PHACTR1: variants seen among roughly 807,000 people sequenced by gnomAD.
The protein encoded by PHACTR1 is RPEL repeat containing 1.
In PHACTR1, 16 loss-of-function variants were observed where a neutral mutation model predicts 69.2. The ratio of observed to expected loss-of-function variants is 0.23; its 90% CI spans 0.16 to 0.35. The LOEUF (loss-of-function observed/expected upper bound fraction) is 0.35, where lower values mean the gene tolerates loss of function less well. PHACTR1 is among the 10% of genes least tolerant of loss of function. PHACTR1 has a pLI of 1.00. For synonymous variants in PHACTR1, 312 were observed against 284.5 expected (o/e 1.10, Z -0.97); for missense variants, 510 against 734.7 (o/e 0.69, Z 3.54).
chr6:12,924,421 T>A (rs1386022208), intron 4 of PHACTR1, among the ~76,000 whole-genome samples: 1 of 152,172 alleles, frequency 6.6e-6, no homozygotes, highest in Non-Finnish European at 1.5e-5. Context: ...GATTTGCCCA[T>A]CTTTTGGCAA....
At chr6:12,987,006 T>G (rs72820857) in intron 4 of PHACTR1, among the ~76,000 whole-genome samples, 5 of 152,296 alleles carry the variant, frequency 3.3e-5, no homozygotes, top group Admixed American at 1.3e-4. Context: ...CATCTGTGCA[T>G]TTTTTACAAT....
At chr6:13,149,639 A>T (rs897017061) in intron 5 of PHACTR1, among the ~76,000 whole-genome samples, 3 of 152,080 alleles carry the variant, frequency 2.0e-5, no homozygotes, top group African/African-American at 7.2e-5. Flanking sequence ...TACTGTGATC[A>T]TGGGGGAGGG....
At chr6:12,945,322 C>T (rs899982339) in intron 4 of PHACTR1, among the ~76,000 whole-genome samples, 1 of 152,206 alleles carries the variant, frequency 6.6e-6, no homozygotes, top group Non-Finnish European at 1.5e-5. Flanking sequence ...ATAGCTCTTA[C>T]TGCATTTTGT....
At chr6:12,779,900 A>G (rs1770596741) in intron 4 of PHACTR1, among the ~76,000 whole-genome samples, 1 of 152,202 alleles carries the variant, frequency 6.6e-6, no homozygotes, top group Admixed American at 6.5e-5. Flanking sequence ...GTGATGGTGA[A>G]TTATGTAATG....
chr6:12,813,160 A>G (rs977824712), intron 4 of PHACTR1, among the ~76,000 whole-genome samples: 9 of 152,194 alleles, frequency 5.9e-5, no homozygotes, highest in Admixed American at 1.3e-4. Context: ...GGAAGCCCCA[A>G]TCATCTCTTC....
At chr6:12,960,282 G>T (rs1325660266) in intron 4 of PHACTR1, among the ~76,000 whole-genome samples, 1 of 152,188 alleles carries the variant, frequency 6.6e-6, no homozygotes, top group Non-Finnish European at 1.5e-5. Flanking sequence ...TGCTATTATT[G>T]TTGTTATCAT....
chr6:12,845,420 ACACCACC>A lies in PHACTR1; in HGVS notation c.250+95635_250+95641del, dbSNP rs1414851370. ...GAAGAGTGCCAAGATGTCATTGTGA[ACACCACC>A]CACCCCCCCCCCCCCCGCCCTCCGT... On this transcript the variant is annotated intron_variant, in intron 4 of 14. Coordinates refer to ENST00000332995, the MANE Select transcript of PHACTR1 (RefSeq NM_030948.6). Among the ~76,000 whole-genome samples the A allele has an allele frequency of 1.1e-3, 16 of 14,248 alleles. 2 individuals are homozygous for A. Among genetic ancestry groups the A allele is most frequent in the African/African-American group, 2.9e-3 (16 of 5,474 alleles). The allele number at this position is 14,248 out of a possible 152,430, so 9.3% of individuals were successfully genotyped here. A position where few individuals can be genotyped will look rare whatever the true frequency, so the allele number is the denominator to read the frequency against.
At chr6:13,129,545 C>T (rs990142263) in intron 5 of PHACTR1, among the ~76,000 whole-genome samples, 2 of 151,644 alleles carry the variant, frequency 1.3e-5, no homozygotes, top group African/African-American at 4.8e-5. Context: ...AAAGCAACAA[C>T]AGTTAAAAAA....
At chr6:13,113,576 C>T (rs572226186) in intron 5 of PHACTR1, among the ~76,000 whole-genome samples, 1 of 152,262 alleles carries the variant, frequency 6.6e-6, no homozygotes, top group Admixed American at 6.5e-5. Context: ...ACAACCAATG[C>T]AGCAGAAGTA....
intron 10 of PHACTR1, among the ~76,000 whole-genome samples, chr6:13,252,514 C>T (rs1479537123): frequency 6.6e-6 from 1 of 151,518 alleles, no homozygotes; most frequent in African/African-American, 2.4e-5. Context: ...ATTAAAATTC[C>T]ATCTATCCTG....
chr6:13,124,863 T>C (rs1225955545), intron 5 of PHACTR1, among the ~76,000 whole-genome samples: 1 of 152,220 alleles, frequency 6.6e-6, no homozygotes, highest in Non-Finnish European at 1.5e-5. Flanking sequence ...TGGTGTCTTT[T>C]CTTATAATCC....
At chr6:13,243,463 G>T (rs577896226) in intron 10 of PHACTR1, among the ~76,000 whole-genome samples, 1 of 152,166 alleles carries the variant, frequency 6.6e-6, no homozygotes, top group Non-Finnish European at 1.5e-5. Flanking sequence ...TGGTTAAAAG[G>T]TGATTTTACT....
intron 4 of PHACTR1, among the ~76,000 whole-genome samples, chr6:12,781,809 T>A (rs185210975): frequency 5.4e-4 from 83 of 152,348 alleles, no homozygotes; most frequent in African/African-American, 1.9e-3. Context: ...TACTCTTCTC[T>A]CACTACCAAC....
chr6:13,182,406 C>A, intron 6 of PHACTR1, 113 bp from the exon 7 acceptor site: 1 of 1,219,152 alleles, frequency 8.2e-7, no homozygotes, highest in African/African-American at 1.5e-5. Context: ...ATGTTGGTTT[C>A]AGAGGCTGAC....
intron 4 of PHACTR1, among the ~76,000 whole-genome samples, chr6:12,780,515 T>C (rs1430797169): frequency 6.6e-6 from 1 of 152,106 alleles, no homozygotes; most frequent in Non-Finnish European, 1.5e-5. Context: ...TATCACAGAG[T>C]AAATCTTTGC....
chr6:13,138,404 A>G (rs1821886803), intron 5 of PHACTR1, among the ~76,000 whole-genome samples: 1 of 152,180 alleles, frequency 6.6e-6, no homozygotes, highest in Non-Finnish European at 1.5e-5. Context: ...TTAGGGGTCT[A>G]TTTTCAAGTG....
chr6:12,940,378 G>C (rs1789939741), intron 4 of PHACTR1, among the ~76,000 whole-genome samples: 1 of 152,200 alleles, frequency 6.6e-6, no homozygotes, highest in Non-Finnish European at 1.5e-5. Flanking sequence ...TTTAACTCAT[G>C]AGAGCCTGCA....
chr6:12,920,581 G>A (rs1045859116), intron 4 of PHACTR1, among the ~76,000 whole-genome samples: 5 of 152,106 alleles, frequency 3.3e-5, no homozygotes, highest in Non-Finnish European at 7.4e-5. Context: ...TATTTTCCCT[G>A]CCAGGCACTA....
intron 4 of PHACTR1, among the ~76,000 whole-genome samples, chr6:12,930,679 G>A (rs1466250734): frequency 6.6e-6 from 1 of 152,166 alleles, no homozygotes; most frequent in Non-Finnish European, 1.5e-5. Flanking sequence ...AGGAGAAAGG[G>A]TGTATGGGTA....
Sources: allele counts gnomAD v4.1 joint callset (sites outside exome capture counted in the v4.1 genomes callset), GRCh38; gene constraint gnomAD v4.1.1; transcripts MANE v1.5; gene names NCBI Gene and HGNC (gene_info 2026-07-23, HGNC 2026-07-21).